Variants in MAPK8 observed in about 807,000 individuals in gnomAD.
MAPK8 encodes mitogen-activated protein kinase 8, also known as JUN N-terminal kinase.
MAPK8 carries 13 observed loss-of-function variants against 52.9 expected under a neutral mutation model. That is an observed-to-expected ratio of 0.25 (90% CI 0.16 to 0.39). The LOEUF (loss-of-function observed/expected upper bound fraction) is 0.39. Among genes scored for constraint, MAPK8 ranks in the 10% least tolerant of loss-of-function variants. The pLI, the probability that MAPK8 is intolerant of heterozygous loss-of-function variation, is 1.00. For missense variants in MAPK8, 300 were observed against 519.2 expected (o/e 0.58, Z 4.10); for synonymous variants, 191 against 169.8 (o/e 1.12, Z -0.97).
intron 1 of MAPK8, among the ~76,000 whole-genome samples, chr10:48,361,638 C>G (rs1847536333): frequency 6.6e-6 from 1 of 152,138 alleles, no homozygotes; most frequent in South Asian, 2.1e-4. Flanking sequence ...TAACATTGCT[C>G]TCTCTTGTAC....
chr10:48,315,102 G>A (rs1213845056), intron 1 of MAPK8, among the ~76,000 whole-genome samples: 1 of 152,120 alleles, frequency 6.6e-6, no homozygotes, highest in Non-Finnish European at 1.5e-5. Context: ...TTTCTGCTAG[G>A]TCTAATTCCC....
chr10:48,354,362 G>A (rs1242824169), intron 1 of MAPK8, among the ~76,000 whole-genome samples: 2 of 152,114 alleles, frequency 1.3e-5, no homozygotes, highest in African/African-American at 4.8e-5. Context: ...AAATAATAAG[G>A]TCTTTCTTTC....
rs1342630119 is a variant in MAPK8, at chr10:48,439,267, A to G, written c.*4238A>G. ...ATCATTCATGCCCTAGTCATTAAAC[A>G]TGCACCACTGGAATGTAAACAATGT... is the stretch of plus-strand genomic sequence containing the variant. On this transcript the variant is annotated 3_prime_UTR_variant, in exon 12 of 12. Coordinates refer to ENST00000374189, the MANE Select transcript of MAPK8 (RefSeq NM_001323329.2). The G allele has an allele frequency of 6.7e-6, 1 of 149,446 alleles. No homozygotes were observed. Among genetic ancestry groups the G allele is most frequent in the Non-Finnish European group, 1.5e-5 (1 of 67,592 alleles). The allele number at this position is 149,446 out of a possible 1,614,324, so 9.3% of individuals were successfully genotyped here.
At chr10:48,342,340 A>G (rs1207844673) in intron 1 of MAPK8, among the ~76,000 whole-genome samples, 1 of 152,106 alleles carries the variant, frequency 6.6e-6, no homozygotes, top group Non-Finnish European at 1.5e-5. Context: ...CCTGGTCTCA[A>G]GCAGTCCTCC....
chr10:48,425,862 T>A, intron 7 of MAPK8, 26 bp from the exon 8 acceptor site: 1 of 834,510 alleles, frequency 1.2e-6, no homozygotes, highest in Non-Finnish European at 1.8e-6. Context: ...AGTTATGGAG[T>A]ATTTTTCTTA....
chr10:48,364,663 TAGAG>T (rs1188922361), intron 1 of MAPK8, among the ~76,000 whole-genome samples: 1 of 152,186 alleles, frequency 6.6e-6, no homozygotes, highest in Non-Finnish European at 1.5e-5. Context: ...AACAGTAAGT[TAGAG>T]AGGCAAACTC....
At chr10:48,366,561 G>A (rs1176770577) in intron 1 of MAPK8, among the ~76,000 whole-genome samples, 1 of 152,168 alleles carries the variant, frequency 6.6e-6, no homozygotes, top group Admixed American at 6.5e-5. Context: ...TCAAGCTAGA[G>A]TACAGTTAAT....
intron 1 of MAPK8, among the ~76,000 whole-genome samples, chr10:48,314,743 T>C (rs1415516887): frequency 6.6e-6 from 1 of 152,214 alleles, no homozygotes; most frequent in Non-Finnish European, 1.5e-5. Context: ...ACTGTCCTTG[T>C]CTTTGCATGT....
intron 1 of MAPK8, among the ~76,000 whole-genome samples, chr10:48,331,644 G>C (rs1478120340): frequency 1.3e-5 from 2 of 152,206 alleles, no homozygotes; most frequent in Non-Finnish European, 2.9e-5. Flanking sequence ...CAAGTTGCCA[G>C]GCTGGAAGTG....
chr10:48,361,030 G>C (rs1847471836), intron 1 of MAPK8, among the ~76,000 whole-genome samples: 1 of 152,020 alleles, frequency 6.6e-6, no homozygotes, highest in African/African-American at 2.4e-5. Context: ...CTGTAATCAT[G>C]ATGAAGTGGT....
intron 3 of MAPK8, among the ~76,000 whole-genome samples, chr10:48,406,435 A>G (rs181251488): frequency 6.8e-4 from 103 of 152,268 alleles, no homozygotes; most frequent in African/African-American, 2.4e-3. Flanking sequence ...GGTGACTGCA[A>G]AGAAAGGTGG....
chr10:48,316,212 A>T (rs950457935), intron 1 of MAPK8, among the ~76,000 whole-genome samples: 2 of 152,212 alleles, frequency 1.3e-5, no homozygotes, highest in Admixed American at 6.5e-5. Flanking sequence ...ATAAAATTAT[A>T]CCATATTTTT....
At chr10:48,312,484 A>G (rs966432399) in intron 1 of MAPK8, among the ~76,000 whole-genome samples, 1 of 152,176 alleles carries the variant, frequency 6.6e-6, no homozygotes, top group African/African-American at 2.4e-5. Flanking sequence ...CACCCACCAT[A>G]TTTCTGGGGA....
At chr10:48,353,462 C>T (rs764102884) in intron 1 of MAPK8, among the ~76,000 whole-genome samples, 6 of 152,138 alleles carry the variant, frequency 3.9e-5, no homozygotes, top group Admixed American at 6.6e-5. Context: ...TTTTGACAGA[C>T]GTACAAAAGA....
chr10:48,404,153 T>C lies in MAPK8; in HGVS notation c.123-699T>C, dbSNP rs550825995. On this transcript the variant is annotated intron_variant, in intron 2 of 11. Transcript: ENST00000374189. ...TTTACATAGAATTATTCAGCAAATC[T>C]TTTGAGTAGAATTTATATGCTTTTT... Among the ~76,000 whole-genome samples the C allele has an allele frequency of 4.0e-5, 6 of 151,680 alleles. No homozygotes were observed. The East Asian group carries it at 1.2e-3, about 29-fold the overall frequency.
At chr10:48,327,242 A>G (rs564714684) in intron 1 of MAPK8, among the ~76,000 whole-genome samples, 2 of 152,290 alleles carry the variant, frequency 1.3e-5, no homozygotes, top group South Asian at 2.1e-4. Flanking sequence ...TTAAAAAATC[A>G]AATTGAGGAA....
intron 1 of MAPK8, among the ~76,000 whole-genome samples, chr10:48,318,721 A>G (rs1454547787): frequency 4.6e-5 from 7 of 152,228 alleles, no homozygotes; most frequent in South Asian, 2.1e-4. Flanking sequence ...GTCTGCATGC[A>G]TGGTGAAATC....
At chr10:48,352,189 C>T (rs1846405530) in intron 1 of MAPK8, among the ~76,000 whole-genome samples, 1 of 152,028 alleles carries the variant, frequency 6.6e-6, no homozygotes, top group South Asian at 2.1e-4. Flanking sequence ...TTGGAGAATT[C>T]TAGCAAAGGC....
intron 10 of MAPK8, chr10:48,427,371 A>AT: frequency 2.4e-6 from 1 of 413,212 alleles, no homozygotes. Context: ...TCTGTCTCAT[A>AT]TTTTTTTCCA....
Sources: allele counts gnomAD v4.1 joint callset (sites outside exome capture counted in the v4.1 genomes callset), GRCh38; gene constraint gnomAD v4.1.1; transcripts MANE v1.5; gene names NCBI Gene and HGNC (gene_info 2026-07-23, HGNC 2026-07-21).